Variants in SLC22A23 observed in about 807,000 individuals in gnomAD.
SLC22A23 encodes ion transporter protein.
Under a neutral mutation model 61.0 loss-of-function variants are expected in SLC22A23, and 26 were observed. The observed-to-expected ratio is 0.43, with a 90% CI of 0.31 to 0.59. SLC22A23 has a LOEUF of 0.59. Among genes scored for constraint, SLC22A23 ranks in the 20% least tolerant of loss-of-function variants. The pLI, the probability that SLC22A23 is intolerant of heterozygous loss-of-function variation, is 0.11. For missense variants in SLC22A23, 796 were observed against 934.7 expected, an observed-to-expected ratio of 0.85 and a Z score of 1.94; for synonymous variants, 430 against 413.9, an observed-to-expected ratio of 1.04 and a Z score of -0.47.
At chr6:3,283,566 C>A (rs78315458) in intron 9 of SLC22A23, 2 of 401,092 alleles carry the variant, frequency 5.0e-6, no homozygotes, top group Non-Finnish European at 9.5e-6. Flanking sequence ...GCACTCCCCC[C>A]CTTGCCAGAC....
At position 3,323,989 on chromosome 6, in the gene SLC22A23, G is replaced by A. The variant is rs201109220; in HGVS notation, c.927C>T (p.Cys309=). 275 of 1,614,122 alleles carry A rather than the reference G, an allele frequency of 1.7e-4. No individual in the cohort carries two copies. The Middle Eastern group carries it at 1.8e-3, about 11-fold the overall frequency. ...LTLYALRIEL[C]PPGKRFMITM... is the part of the protein sequence containing the mutation. ...TAATCATGAACCGTTTTCCAGGGGG[G>A]CACAGCTCTATTCCTAGAACACAGA... Residue 309 remains cysteine (C), a synonymous_variant, in exon 4 of 10, where the codon TGC becomes TGT. Transcript: ENST00000406686.
At chr6:3,298,978 CAAA>C (rs56373817) in intron 4 of SLC22A23, among the ~76,000 whole-genome samples, 91 of 104,102 alleles carry the variant, frequency 8.7e-4, no homozygotes, top group South Asian at 9.2e-4. Flanking sequence ...GACTCCGTCT[CAAA>C]AAAAAAAAAA....
intron 5 of SLC22A23, among the ~76,000 whole-genome samples, chr6:3,296,822 G>A (rs1365849504): frequency 1.3e-5 from 2 of 152,242 alleles, no homozygotes; most frequent in Non-Finnish European, 2.9e-5. Flanking sequence ...GCACCAAGGA[G>A]CTTCTAGTGA....
intron 4 of SLC22A23, among the ~76,000 whole-genome samples, chr6:3,299,137 T>C (rs542021017): frequency 6.6e-6 from 1 of 152,218 alleles, no homozygotes; most frequent in South Asian, 2.1e-4. Context: ...ATTACAAAAA[T>C]AAAAAAATAA....
At chr6:3,284,583 C>A (rs1452669655) in intron 8 of SLC22A23, among the ~76,000 whole-genome samples, 2 of 152,038 alleles carry the variant, frequency 1.3e-5, no homozygotes, top group African/African-American at 4.8e-5. Flanking sequence ...TCCAGGGACA[C>A]GGGCGAGGGC....
chr6:3,307,865 G>T (rs563061074), intron 4 of SLC22A23, among the ~76,000 whole-genome samples: 16 of 152,328 alleles, frequency 1.1e-4, no homozygotes, highest in African/African-American at 3.8e-4. Flanking sequence ...ATAACAAAAT[G>T]TGGTCCATTT....
intron 3 of SLC22A23, among the ~76,000 whole-genome samples, chr6:3,370,150 T>G (rs1766114367): frequency 6.6e-6 from 1 of 152,182 alleles, no homozygotes; most frequent in South Asian, 2.1e-4. Flanking sequence ...TTTTTTTCCC[T>G]AAATTTATTT....
intron 1 of SLC22A23, among the ~76,000 whole-genome samples, chr6:3,423,175 G>A (rs1444079187): frequency 6.6e-6 from 1 of 151,820 alleles, no homozygotes; most frequent in Admixed American, 6.6e-5. Context: ...CACTGAATTT[G>A]ATCATTTTTA....
intron 1 of SLC22A23, among the ~76,000 whole-genome samples, chr6:3,441,231 G>A (rs1771572667): frequency 6.6e-6 from 1 of 152,160 alleles, no homozygotes. Context: ...GCGCCTCAGG[G>A]GCTGGCTTGA....
chr6:3,366,608 A>G (rs1206188526), intron 3 of SLC22A23, among the ~76,000 whole-genome samples: 2 of 152,182 alleles, frequency 1.3e-5, no homozygotes, highest in Non-Finnish European at 2.9e-5. Context: ...TTCCTGAGTT[A>G]TTGCTATTCA....
At position 3,342,536 on chromosome 6, in the gene SLC22A23, A is replaced by C. The variant is rs748283966; in HGVS notation, c.914-18534T>G. On this transcript the variant is annotated intron_variant, in intron 3 of 9. Coordinates refer to ENST00000406686, the MANE Select transcript of SLC22A23 (RefSeq NM_015482.2). The surrounding 1 kb of genome is among the most constrained non-coding windows in gnomAD (Gnocchi z 4.0). ...AGGTGGGGCCTCCTTGACCCACAGC[A>C]TCAGAGTCCCCCGGGGCCCTGAGCC... Among the ~76,000 whole-genome samples the C allele has an allele frequency of 3.9e-5, 6 of 152,134 alleles. No homozygotes were observed. The highest frequency in any genetic ancestry group is 5.9e-5 in the Non-Finnish European group (4 of 68,026).
At chr6:3,423,648 A>G (rs1378193578) in intron 1 of SLC22A23, among the ~76,000 whole-genome samples, 4 of 152,224 alleles carry the variant, frequency 2.6e-5, no homozygotes, top group Admixed American at 2.6e-4. Flanking sequence ...ATCCCTTAGC[A>G]TCAAAAGGGA....
At chr6:3,398,012 C>A (rs546472794) in intron 3 of SLC22A23, among the ~76,000 whole-genome samples, 1 of 152,344 alleles carries the variant, frequency 6.6e-6, no homozygotes, top group East Asian at 1.9e-4. Flanking sequence ...TGACCCCACC[C>A]TAACACAAAG....
chr6:3,440,740 C>T (rs553906799), intron 1 of SLC22A23, among the ~76,000 whole-genome samples: 6 of 151,322 alleles, frequency 4.0e-5, no homozygotes, highest in East Asian at 1.9e-4. Context: ...GAGATGAGGA[C>T]GCAGACACAC....
At chr6:3,319,586 C>T (rs1455198642) in intron 4 of SLC22A23, among the ~76,000 whole-genome samples, 4 of 152,188 alleles carry the variant, frequency 2.6e-5, no homozygotes, top group Admixed American at 2.6e-4. Context: ...CAGCATAAGG[C>T]AGTGTGGCTG....
At chr6:3,436,516 A>G (rs938305346) in intron 1 of SLC22A23, among the ~76,000 whole-genome samples, 1 of 152,114 alleles carries the variant, frequency 6.6e-6, no homozygotes, top group African/African-American at 2.4e-5. Flanking sequence ...CAAGCTTTCA[A>G]ACTCTTCGCA....
chr6:3,343,797 G>A (rs1352481778), intron 3 of SLC22A23, among the ~76,000 whole-genome samples: 1 of 152,200 alleles, frequency 6.6e-6, no homozygotes, highest in Admixed American at 6.5e-5. Context: ...GTGCCGAACA[G>A]AGAGCAGCCC....
intron 3 of SLC22A23, among the ~76,000 whole-genome samples, chr6:3,359,588 A>G (rs555058510): frequency 1.3e-5 from 2 of 152,350 alleles, no homozygotes; most frequent in South Asian, 4.1e-4. Context: ...GTGCACCAGT[A>G]CATTCCTGGT....
chr6:3,446,048 G>A (rs1771881151), intron 1 of SLC22A23, among the ~76,000 whole-genome samples: 1 of 152,198 alleles, frequency 6.6e-6, no homozygotes, highest in Non-Finnish European at 1.5e-5. Context: ...AATCTGCCCA[G>A]AGAGGTGTTC....
Sources: gnomAD v4.1 joint callset for allele counts (sites outside exome capture counted in the v4.1 genomes callset) on GRCh38, gnomAD v4.1.1 for gene constraint, Gnocchi (gnomAD v3.1) non-coding constraint, MANE v1.5 for transcripts, NCBI Gene and HGNC (gene_info 2026-07-23, HGNC 2026-07-21) for gene names.